Variants in RTF1 observed in about 807,000 individuals in gnomAD.
RTF1 encodes the protein RNA polymerase-associated protein RTF1 homolog.
A neutral mutation model predicts 95.7 loss-of-function variants in RTF1; 10 were observed. The observed-to-expected ratio is 0.10, with a 90% CI of 0.06 to 0.18. The LOEUF (loss-of-function observed/expected upper bound fraction) is 0.18. Ranked by LOEUF, RTF1 falls within the 10% of genes least tolerant of loss-of-function variation. The pLI is 1.00. For missense variants in RTF1, 458 were observed against 875.6 expected, an observed-to-expected ratio of 0.52 and a Z score of 6.02; for synonymous variants, 305 against 311.8, an observed-to-expected ratio of 0.98 and a Z score of 0.23.
At position 41,458,870 on chromosome 15, in the gene RTF1, G is replaced by T. The variant is rs976074264; in HGVS notation, c.662+994G>T. ...GCGGATCACTTGAGGTCAGGAGTTC[G>T]AGACCTGCCTGGCCAACATGGTGAA... On this transcript the variant is annotated intron_variant, in intron 4 of 17. Transcript: ENST00000389629. 8.2e-5 allele frequency among the ~76,000 whole-genome samples: 12 copies of T among 146,578 alleles called. No homozygotes were observed. The East Asian group carries it at 2.5e-3, about 31-fold the overall frequency.
intron 4 of RTF1, among the ~76,000 whole-genome samples, chr15:41,462,794 C>T (rs748062832): frequency 2.6e-5 from 4 of 152,118 alleles, no homozygotes; most frequent in Non-Finnish European, 4.4e-5. Flanking sequence ...CTCGTTCTGT[C>T]ACCCAGGCTG....
chr15:41,472,406 C>A (rs2050917453), intron 8 of RTF1, among the ~76,000 whole-genome samples: 2 of 151,834 alleles, frequency 1.3e-5, no homozygotes, highest in African/African-American at 4.8e-5. Context: ...GGGGTTTCAC[C>A]ATGTTGGCCA....
chr15:41,453,899 G>A (rs990921533), intron 3 of RTF1, among the ~76,000 whole-genome samples: 1 of 151,982 alleles, frequency 6.6e-6, no homozygotes, highest in Admixed American at 6.6e-5. Flanking sequence ...GGCCTAACCC[G>A]GTTTTGAGCA....
intron 1 of RTF1, among the ~76,000 whole-genome samples, chr15:41,433,844 T>G (rs1039885844): frequency 8.7e-6 from 1 of 114,878 alleles, no homozygotes; most frequent in African/African-American, 4.6e-5. Context: ...GCTACCACAC[T>G]TTTTTTTTTT....
Position 41,443,296 on chromosome 15 carries a change from TTGG to T in RTF1, c.309+4869_309+4871del, listed in dbSNP as rs533890985. ...GTAGATGTTTCACATATAATGTAGC[TTGG>T]TGGGGGGAAACACCAACATTTAATG... is the stretch of plus-strand genomic sequence containing the variant. On this transcript the variant is annotated intron_variant, in intron 2 of 17. Coordinates refer to ENST00000389629, the MANE Select transcript of RTF1 (RefSeq NM_015138.5). Among the ~76,000 whole-genome samples, 435 of 152,318 alleles carry T rather than the reference TTGG, an allele frequency of 2.9e-3. 2 individuals carry two copies. The highest frequency in any genetic ancestry group is 5.4e-3 in the Non-Finnish European group (368 of 68,020).
intron 1 of RTF1, among the ~76,000 whole-genome samples, chr15:41,426,187 A>G (rs2050628365): frequency 6.6e-6 from 1 of 151,864 alleles, no homozygotes. Context: ...GTGCAGTGAC[A>G]CCATCTTGGC....
chr15:41,456,546 C>G (rs2050817988), intron 3 of RTF1, among the ~76,000 whole-genome samples: 1 of 151,362 alleles, frequency 6.6e-6, no homozygotes, highest in African/African-American at 2.4e-5. Flanking sequence ...CCTGTAATTC[C>G]AGCACTTTGG....
chr15:41,431,981 A>G (rs1474055016), intron 1 of RTF1, among the ~76,000 whole-genome samples: 1 of 151,616 alleles, frequency 6.6e-6, no homozygotes, highest in Non-Finnish European at 1.5e-5. Flanking sequence ...TTGTATTTTT[A>G]GTAGAGACGT....
rs1235786129 is a variant in RTF1 at position 41,480,103 on chromosome 15, T to C, written c.1915-111T>C. 4.4e-6 allele frequency: 3 copies of C among 684,702 alleles called. No individual in the cohort carries two copies. The African/African-American group carries it at 5.4e-5, about 12-fold the overall frequency. The allele number at this position is 684,702 out of a possible 1,614,324, so 42.4% of individuals were successfully genotyped here. On this transcript the variant is annotated intron_variant, in intron 16 of 17. Coordinates refer to ENST00000389629, the MANE Select transcript of RTF1 (RefSeq NM_015138.5). The stretch of plus-strand genomic sequence containing the variant: ...AGAAGGAATCAGAAAGGGGCCTTAG[T>C]AGGAAAATCTAATGAACTCAAATAA...
At chr15:41,432,969 G>A (rs78235870) in intron 1 of RTF1, among the ~76,000 whole-genome samples, 8,158 of 150,618 alleles carry the variant, frequency 0.054, 490 homozygotes, top group African/African-American at 0.15. Flanking sequence ...CAGGCATACT[G>A]AGGTCGGCTG....
In RTF1 at chr15:41,441,134, G is replaced by A. The variant is rs145540566; in HGVS notation, c.309+2703G>A. ...CTACAGGCGCCTGCCACCACTCCTG[G>A]CTAATTTTTTGTATTTTTAGTAGAG... is the stretch of plus-strand genomic sequence containing the variant. On this transcript the variant is annotated intron_variant, in intron 2 of 17. Coordinates refer to ENST00000389629, the MANE Select transcript of RTF1 (RefSeq NM_015138.5). Among the ~76,000 whole-genome samples, 908 of 151,642 alleles carry A rather than the reference G, an allele frequency of 6.0e-3. 13 individuals are homozygous for A. The highest frequency in any genetic ancestry group is 0.021 in the African/African-American group (853 of 41,356).
chr15:41,462,600 T>C (rs1366033575), intron 4 of RTF1, among the ~76,000 whole-genome samples: 2 of 152,196 alleles, frequency 1.3e-5, no homozygotes, highest in South Asian at 2.1e-4. Flanking sequence ...GTATAATTCA[T>C]TGGTTTTTAT....
At chr15:41,418,277 G>T (rs2050582105) in intron 1 of RTF1, among the ~76,000 whole-genome samples, 1 of 152,226 alleles carries the variant, frequency 6.6e-6, no homozygotes, top group Non-Finnish European at 1.5e-5. Context: ...CTTTTGAGTA[G>T]AAAGAGTATT....
chr15:41,439,788 A>G (rs2050723482), intron 2 of RTF1, among the ~76,000 whole-genome samples: 1 of 152,102 alleles, frequency 6.6e-6, no homozygotes, highest in African/African-American at 2.4e-5. Flanking sequence ...AGTAGCTGGA[A>G]CTACAAGCAC....
intron 1 of RTF1, among the ~76,000 whole-genome samples, chr15:41,427,913 A>G (rs1011220430): frequency 6.6e-6 from 1 of 151,712 alleles, no homozygotes; most frequent in Admixed American, 6.6e-5. Flanking sequence ...TAGCTTCCCA[A>G]GTAGCTGGGA....
intron 12 of RTF1, 57 bp from the exon 13 acceptor site, chr15:41,477,108 G>GAT: frequency 1.2e-6 from 2 of 1,611,078 alleles, no homozygotes. Flanking sequence ...GGGGATACTT[G>GAT]ATATGGAGTC....
Position 41,423,426 on chromosome 15 carries a change from G to A in RTF1, c.198+6113G>A, listed in dbSNP as rs576540616. 8.1e-5 allele frequency among the ~76,000 whole-genome samples: 12 copies of A among 148,610 alleles called. No individual in the cohort carries two copies. In the South Asian group the frequency reaches 1.8e-3, roughly 23 times the overall value. On this transcript the variant is annotated intron_variant, in intron 1 of 17. Transcript: ENST00000389629. ...CTTGCTCTGTCACCCAGGCTGGAGA[G>A]CAATGGCACGCTGGGCTCACTGTAG...
intron 3 of RTF1, among the ~76,000 whole-genome samples, chr15:41,455,262 C>T (rs1454438195): frequency 3.3e-5 from 5 of 149,536 alleles, no homozygotes; most frequent in East Asian, 2.0e-4. Context: ...TGCAGTGAGC[C>T]GAGATCACCC....
rs545659034 is a variant in RTF1, at chr15:41,452,891, C to T, written c.310-10C>T. 131 of 1,557,538 alleles carry T rather than the reference C, an allele frequency of 8.4e-5. No homozygotes were observed. In the East Asian group the frequency reaches 2.8e-3, roughly 33 times the overall value. ...CTATTTCAGTCTTCCTTTTTCTTTT[C>T]TCCTTATAGTGGACATTTGGGAGCA... On this transcript the variant is annotated splice_polypyrimidine_tract_variant and intron_variant, in intron 2 of 17. Transcript: ENST00000389629.
Sources: allele counts gnomAD v4.1 joint callset (sites outside exome capture counted in the v4.1 genomes callset), GRCh38; gene constraint gnomAD v4.1.1; transcripts MANE v1.5; gene names NCBI Gene and HGNC (gene_info 2026-07-23, HGNC 2026-07-21).